Variants in CDK11B observed in about 807,000 individuals in gnomAD.
The protein encoded by CDK11B is cyclin-dependent kinase 11B.
CDK11B carries 37 observed loss-of-function variants against 84.0 expected under a neutral mutation model. The ratio of observed to expected loss-of-function variants is 0.44; its 90% CI spans 0.34 to 0.58. The LOEUF (loss-of-function observed/expected upper bound fraction) is 0.58, where lower values mean the gene tolerates loss of function less well. Ranked by LOEUF, CDK11B falls within the 20% of genes least tolerant of loss-of-function variation. CDK11B has a pLI of 0.02. For synonymous variants in CDK11B, 269 were observed against 309.8 expected (o/e 0.87, Z 1.38); for missense variants, 427 against 834.0 (o/e 0.51, Z 6.01).
intron 9 of CDK11B, 143 bp from the exon 10 acceptor site, chr1:1,641,256 C>A: frequency 5.8e-6 from 8 of 1,388,884 alleles, no homozygotes; most frequent in Non-Finnish European, 7.9e-6. Flanking sequence ...CGCCTGTAAT[C>A]CCAGCGCTTT....
At chr1:1,639,239 T>C (rs1469134418) in intron 11 of CDK11B, among the ~76,000 whole-genome samples, 2 of 151,614 alleles carry the variant, frequency 1.3e-5, no homozygotes, top group East Asian at 1.9e-4. Context: ...CTGTGCCCGG[T>C]CAAAACTCCT....
intron 11 of CDK11B, among the ~76,000 whole-genome samples, chr1:1,639,233 G>A (rs1043506147): frequency 6.6e-6 from 1 of 151,774 alleles, no homozygotes; most frequent in African/African-American, 2.4e-5. Context: ...GAGCCACTGT[G>A]CCCGGTCAAA....
In CDK11B at chr1:1,636,921, G is replaced by T. The variant is rs1319914699; in HGVS notation, c.1776C>A (p.Ala592=). 6.2e-7 allele frequency: 1 copy of T among 1,606,304 alleles called. No homozygotes were observed. ...TPVVVTLWYR[A]PELLLGAKEY... is the part of the protein sequence containing the mutation. ...CCTTGGCACCAAGCAGCAGCTCTGG[G>T]GCGCGGTACCACAGGGTCACCACGA... The change falls in exon 16 of 20, where the codon GCC becomes GCA. Residue 592 remains alanine, a synonymous_variant. Transcript: ENST00000341832.
intron 2 of CDK11B, among the ~76,000 whole-genome samples, chr1:1,657,085 C>CTAG (rs138141689): frequency 1.4e-5 from 2 of 143,888 alleles, no homozygotes; most frequent in African/African-American, 2.6e-5. Flanking sequence ...TATGAACATA[C>CTAG]TAATGAACCG....
In CDK11B at chr1:1,636,685, G is replaced by A; in HGVS notation, c.1914C>T (p.Phe638=). Residue 638 remains phenylalanine (F), a synonymous_variant, in exon 17 of 20, where the codon TTC becomes TTT. Transcript: ENST00000341832. ...CCTGCAGCAGGGCCAGACCCACCTTGAACACCTTGTTGATCTGATCGATTT... is the reference window on the plus strand; with the variant it reads ...CCTGCAGCAGGGCCAGACCCACCTTAAACACCTTGTTGATCTGATCGATTT... The part of the protein sequence containing the change: ...KSEIDQINKV[F]KDLGTPSEKI... 6.2e-7 allele frequency: 1 copy of A among 1,613,956 alleles called. No homozygotes were observed. The highest frequency in any genetic ancestry group is 1.1e-5 in the South Asian group (1 of 91,080).
At chr1:1,637,271 C>G in intron 14 of CDK11B, 69 bp from the exon 15 acceptor site, 2 of 1,589,770 alleles carry the variant, frequency 1.3e-6, no homozygotes, top group Non-Finnish European at 1.7e-6. Context: ...GTGGCCCACT[C>G]GCCTCGGCAG....
intron 9 of CDK11B, among the ~76,000 whole-genome samples, 166 bp from the exon 10 acceptor site, chr1:1,641,279 C>T (rs1299125143): frequency 2.7e-5 from 4 of 146,726 alleles, no homozygotes; most frequent in Admixed American, 6.8e-5. Flanking sequence ...GAGGCCAAGG[C>T]GGGTGGATCA....
At chr1:1,637,339 G>A (rs1639508573) in intron 14 of CDK11B, 69 bp downstream of exon 14, 7 of 1,577,704 alleles carry the variant, frequency 4.4e-6, no homozygotes, top group East Asian at 2.3e-5. Context: ...CTGCAGCACT[G>A]TCACCGCGGG....
At chr1:1,637,589 G>A (rs912538097) in intron 13 of CDK11B, 76 bp from the exon 14 acceptor site, 6 of 1,609,070 alleles carry the variant, frequency 3.7e-6, no homozygotes, top group Admixed American at 1.7e-5. Context: ...CAGCTGCTGA[G>A]GGACAGTAAG....
In CDK11B at chr1:1,637,138, G is replaced by A. The variant is rs2100669239; in HGVS notation, c.1635C>T (p.Ile545=). 1 of 1,613,736 alleles carries A rather than the reference G, an allele frequency of 6.2e-7. No homozygotes were observed. The highest frequency in any genetic ancestry group is 8.5e-7 in the Non-Finnish European group (1 of 1,179,882). ...RGVKHLHDNW[I]LHRDLKTSNL... ...TGGACGTCTTGAGGTCACGGTGCAG[G>A]ATCCAGTTGTCGTGCAGGTGTTTCA... is the stretch of plus-strand genomic sequence containing the variant. Residue 545 remains isoleucine, a synonymous_variant, in exon 15 of 20, where the codon ATC becomes ATT. Transcript: ENST00000341832.
At chr1:1,636,574 C>T (rs1639328699) in intron 17 of CDK11B, 93 bp from the exon 18 acceptor site, 33 of 1,572,948 alleles carry the variant, frequency 2.1e-5, no homozygotes, top group Non-Finnish European at 2.9e-5. Flanking sequence ...CAGGAGGGCT[C>T]TCAGTGGCCC....
At chr1:1,644,904 G>A (rs1640806836) in intron 6 of CDK11B, among the ~76,000 whole-genome samples, 1 of 147,802 alleles carries the variant, frequency 6.8e-6, no homozygotes. Flanking sequence ...GAGGCAGGAG[G>A]ATCACTTGAA....
In CDK11B at chr1:1,653,766, C is replaced by G. The variant is rs186524260; in HGVS notation, c.228-1200G>C. ...TGGGAGGCTGAGGCAAGTAGATCAC[C>G]TGAGGTTAGGAGTTCAAGACCAGTG... On this transcript the variant is annotated intron_variant, in intron 3 of 19. Coordinates refer to ENST00000341832, the MANE Select transcript of CDK11B (RefSeq NM_033486.3). 9.9e-5 allele frequency among the ~76,000 whole-genome samples: 15 copies of G among 151,536 alleles called. No homozygotes were observed. In the East Asian group the frequency reaches 2.9e-3, roughly 30 times the overall value.
At chr1:1,649,955 A>AG (rs1364054031) in intron 4 of CDK11B, among the ~76,000 whole-genome samples, 1 of 91,330 alleles carries the variant, frequency 1.1e-5, no homozygotes, top group Non-Finnish European at 2.8e-5. Context: ...CAGCCTGGGC[A>AG]AAAAAAAAAA....
intron 4 of CDK11B, 116 bp from the exon 5 acceptor site, chr1:1,649,753 T>C: frequency 2.2e-6 from 2 of 923,902 alleles, no homozygotes; most frequent in Non-Finnish European, 1.6e-6. Context: ...GGCGGGCGGA[T>C]CACCTGAGGT....
chr1:1,654,957 C>CT (rs1025924824), intron 3 of CDK11B, among the ~76,000 whole-genome samples: 2 of 152,098 alleles, frequency 1.3e-5, no homozygotes, highest in African/African-American at 2.4e-5. Context: ...CGCGCCCGGC[C>CT]TTTTTTTCCT....
At chr1:1,653,362 CCA>C (rs1464686559) in intron 3 of CDK11B, among the ~76,000 whole-genome samples, 1 of 151,992 alleles carries the variant, frequency 6.6e-6, no homozygotes, top group African/African-American at 2.4e-5. Context: ...GCTCTTTCCC[CCA>C]GCCTAGAGTG....
rs1290953875 is a variant in CDK11B at position 1,635,499 on chromosome 1, G to A, written c.*265C>T. On this transcript the variant is annotated 3_prime_UTR_variant, in exon 20 of 20. Transcript: ENST00000341832. ...CCCGTGCGTGTCGAGAGTGGGAGAG[G>A]GTGTGTGGAGGTTTGTGCTGCCCCA... 7.4e-6 allele frequency: 3 copies of A among 407,746 alleles called. 1 individual carries two copies. The highest frequency in any genetic ancestry group is 7.9e-5 in the Admixed American group (2 of 25,168). The allele number at this position is 407,746 out of a possible 1,614,324, so 25.3% of individuals were successfully genotyped here.
chr1:1,636,709 T>C lies in CDK11B; in HGVS notation c.1890A>G (p.Glu630=). Residue 630 remains glutamate, a synonymous_variant, in exon 17 of 20, where the codon GAA becomes GAG. Coordinates refer to ENST00000341832, the MANE Select transcript of CDK11B (RefSeq NM_033486.3). ...TQKPLFPGKS[E]IDQINKVFKD... ...TGAACACCTTGTTGATCTGATCGATTTCTGACTTCCCGGGGAACAGAGGCT... is the reference window on the plus strand; with the variant it reads ...TGAACACCTTGTTGATCTGATCGATCTCTGACTTCCCGGGGAACAGAGGCT... 1.2e-6 allele frequency: 2 copies of C among 1,613,968 alleles called. No homozygotes were observed. Among genetic ancestry groups the C allele is most frequent in the Non-Finnish European group, 1.7e-6 (2 of 1,179,874 alleles).
Sources: allele counts gnomAD v4.1 joint callset (sites outside exome capture counted in the v4.1 genomes callset), GRCh38; gene constraint gnomAD v4.1.1; transcripts MANE v1.5; gene names NCBI Gene and HGNC (gene_info 2026-07-23, HGNC 2026-07-21).